Variants in USO1 observed in about 807,000 individuals in gnomAD.
USO1 encodes the protein general vesicular transport factor p115.
A neutral mutation model predicts 124.5 loss-of-function variants in USO1; 57 were observed. That is an observed-to-expected ratio of 0.46 (90% CI 0.37 to 0.57). The LOEUF (loss-of-function observed/expected upper bound fraction) is 0.57, where lower values mean the gene tolerates loss of function less well. USO1 is among the 20% of genes least tolerant of loss of function. The pLI, the probability that USO1 is intolerant of heterozygous loss-of-function variation, is 0.00. For synonymous variants in USO1, 369 were observed against 362.8 expected, an observed-to-expected ratio of 1.02 and a Z score of -0.19; for missense variants, 900 against 1,040.6, an observed-to-expected ratio of 0.86 and a Z score of 1.86.
chr4:75,806,736 T>C (rs556042160), intron 20 of USO1, among the ~76,000 whole-genome samples, 164 bp downstream of exon 20: 2 of 152,334 alleles, frequency 1.3e-5, no homozygotes, highest in South Asian at 2.1e-4. Flanking sequence ...TATATGGTAA[T>C]AGTACTTTGC....
chr4:75,800,852 T>G (rs1326417387), intron 16 of USO1, 53 bp downstream of exon 16: 15 of 1,555,116 alleles, frequency 9.6e-6, no homozygotes, highest in Non-Finnish European at 9.6e-6. Flanking sequence ...ATATTTATAT[T>G]GTACATGTAT....
intron 1 of USO1, among the ~76,000 whole-genome samples, chr4:75,735,830 C>T (rs1364274902): frequency 1.3e-5 from 2 of 152,042 alleles, no homozygotes; most frequent in African/African-American, 4.8e-5. Flanking sequence ...TTTTCACATT[C>T]CTCATCTCAG....
Position 75,801,155 on chromosome 4 carries a change from G to T in USO1, c.1941G>T (p.Gln647His). 3 of 1,611,250 alleles carry T rather than the reference G, an allele frequency of 1.9e-6. No homozygotes were observed. The highest frequency in any genetic ancestry group is 1.7e-6 in the Non-Finnish European group (2 of 1,178,804). Residue 647 changes from glutamine (Q) to histidine (H), a missense_variant, in exon 17 of 24, where the codon CAG becomes CAT. Transcript: ENST00000514213. ...KEEEVKKTLEQHDNIVTHYKN... is the reference protein window; with the variant it reads ...KEEEVKKTLEHHDNIVTHYKN... ...AAGAGGTGAAAAAAACATTAGAACA[G>T]CATGACAATATTGTGACTCACTACA...
At chr4:75,783,875 G>C (rs1722289822) in intron 9 of USO1, among the ~76,000 whole-genome samples, 1 of 152,138 alleles carries the variant, frequency 6.6e-6, no homozygotes, top group African/African-American at 2.4e-5. Flanking sequence ...GGAGAACTTA[G>C]TTACAGAGTC....
chr4:75,749,169 T>C (rs893291595), intron 1 of USO1, among the ~76,000 whole-genome samples: 13 of 152,130 alleles, frequency 8.5e-5, no homozygotes, highest in Non-Finnish European at 1.8e-4. Context: ...CTAGAAATCA[T>C]GCAATGCACA....
At chr4:75,757,435 A>G (rs1420955110) in intron 3 of USO1, 62 bp from the exon 4 acceptor site, 3 of 1,350,612 alleles carry the variant, frequency 2.2e-6, no homozygotes, top group African/African-American at 3.1e-5. Context: ...ATAACTAAAA[A>G]TGGTCATAAC....
At chr4:75,725,557 T>C (rs1430952695) in intron 1 of USO1, among the ~76,000 whole-genome samples, 1 of 151,822 alleles carries the variant, frequency 6.6e-6, no homozygotes, top group Non-Finnish European at 1.5e-5. Flanking sequence ...TCAAACTGCT[T>C]TGGGGACACG....
chr4:75,761,478 A>AT (rs1172843776), intron 4 of USO1, among the ~76,000 whole-genome samples: 1 of 152,178 alleles, frequency 6.6e-6, no homozygotes, highest in Non-Finnish European at 1.5e-5. Context: ...GTATACATAT[A>AT]TTTTTTACCT....
chr4:75,729,483 G>T (rs1031812226), intron 1 of USO1, among the ~76,000 whole-genome samples: 7 of 152,054 alleles, frequency 4.6e-5, no homozygotes, highest in African/African-American at 1.7e-4. Context: ...GGGACTACAG[G>T]TGCACGCCAC....
At chr4:75,741,196 G>T (rs1720949182) in intron 1 of USO1, among the ~76,000 whole-genome samples, 1 of 152,098 alleles carries the variant, frequency 6.6e-6, no homozygotes, top group South Asian at 2.1e-4. Context: ...TATAACAATG[G>T]TAAATATTTG....
intron 3 of USO1, among the ~76,000 whole-genome samples, chr4:75,754,000 G>T (rs200137572): frequency 1.3e-5 from 2 of 151,176 alleles, no homozygotes; most frequent in Non-Finnish European, 2.9e-5. Context: ...TGTTAGCCAG[G>T]ATGGTCTCGA....
intron 1 of USO1, among the ~76,000 whole-genome samples, chr4:75,732,876 T>TAAAAAAAAAAAAAAAAA (rs3059597): frequency 2.1e-5 from 1 of 48,182 alleles, no homozygotes; most frequent in Non-Finnish European, 3.3e-5. Context: ...AGATTCCATC[T>TAAAAAAAAAAAAAAAAA]AAAAAAAAAA....
chr4:75,788,449 G>A (rs973690464), intron 10 of USO1, among the ~76,000 whole-genome samples: 71 of 151,764 alleles, frequency 4.7e-4, no homozygotes, highest in African/African-American at 1.7e-3. Flanking sequence ...ATTACAGACA[G>A]GAGCCAATGC....
intron 13 of USO1, among the ~76,000 whole-genome samples, chr4:75,796,190 AT>A (rs963639171): frequency 5.9e-5 from 9 of 151,864 alleles, no homozygotes; most frequent in Admixed American, 1.3e-4. Flanking sequence ...TTGAAAGGGA[AT>A]TTTTTTTGAG....
chr4:75,753,542 C>CA (rs1721347074), intron 3 of USO1, among the ~76,000 whole-genome samples: 1 of 151,212 alleles, frequency 6.6e-6, no homozygotes, highest in Non-Finnish European at 1.5e-5. Context: ...CTCAAAAAAA[C>CA]AAAAAAGATA....
intron 1 of USO1, among the ~76,000 whole-genome samples, chr4:75,751,679 A>G (rs1721300443): frequency 6.6e-6 from 1 of 151,354 alleles, no homozygotes; most frequent in African/African-American, 2.4e-5. Context: ...AAAAATACTA[A>G]AATTAGCCAG....
chr4:75,742,633 G>A (rs1720996666), intron 1 of USO1, among the ~76,000 whole-genome samples: 2 of 152,224 alleles, frequency 1.3e-5, no homozygotes, highest in South Asian at 4.1e-4. Context: ...AGTATGCTGA[G>A]ATAAGAAATA....
chr4:75,741,504 A>G (rs932824235), intron 1 of USO1, among the ~76,000 whole-genome samples: 11 of 152,054 alleles, frequency 7.2e-5, no homozygotes, highest in Non-Finnish European at 1.3e-4. Flanking sequence ...TTTCTGTAAT[A>G]ATGCTTAGTT....
At chr4:75,791,390 G>A (rs1459207148) in intron 12 of USO1, among the ~76,000 whole-genome samples, 3 of 152,154 alleles carry the variant, frequency 2.0e-5, no homozygotes, top group African/African-American at 7.2e-5. Context: ...TGGGCGTGGT[G>A]GCAGGTGCCT....
Sources: allele counts gnomAD v4.1 joint callset (sites outside exome capture counted in the v4.1 genomes callset), GRCh38; gene constraint gnomAD v4.1.1; transcripts MANE v1.5; gene names NCBI Gene and HGNC (gene_info 2026-07-23, HGNC 2026-07-21).